The following DNPEP variants were observed in gnomAD, a reference collection of about 807,000 sequenced individuals.
DNPEP encodes the protein aspartyl aminopeptidase.
In DNPEP, 46 loss-of-function variants were observed where a neutral mutation model predicts 59.1. The observed-to-expected ratio is 0.78, with a 90% confidence interval of 0.61 to 0.99. The LOEUF is 0.99. DNPEP is among the 50% of genes least tolerant of loss of function. The probability of loss-of-function intolerance (pLI) is 0.00; values close to 1 mark genes in which losing one functional copy is unlikely to be tolerated. For synonymous variants in DNPEP, 229 were observed against 242.2 expected (o/e 0.95, Z 0.50); for missense variants, 617 against 649.9 (o/e 0.95, Z 0.55).
At chr2:219,391,872 T>TAAA (rs5838738), upstream of DNPEP, among the ~76,000 whole-genome samples, 18 of 138,482 alleles carry the variant, frequency 1.3e-4, no homozygotes, top group African/African-American at 1.7e-4. Context: ...TAGCAGTTCA[T>TAAA]AAAAAAAAAA....
rs1331540598 is a variant in DNPEP at position 219,385,989 on chromosome 2, C to A, written c.569G>T (p.Gly190Val). The A allele has an allele frequency of 9.9e-6, 16 of 1,613,986 alleles. No individual in the cohort carries two copies. Among genetic ancestry groups the A allele is most frequent in the East Asian group, 6.7e-5 (3 of 44,888 alleles). ...HLQRNINENFGPNTEMHLVPI... is the reference protein window; with the variant it reads ...HLQRNINENFVPNTEMHLVPI... ...TCACAGATGCATCTCTGTGTTGGGC[C>A]CAAAGTTCTCGTTGATATTTCGCTG... The change falls in exon 6 of 15, where the codon GGG becomes GTG. Residue 190 changes from glycine (G) to valine (V), a missense_variant. Transcript: ENST00000273075.
At chr2:219,388,032 G>A, upstream of DNPEP, 1 of 905,658 alleles carries the variant, frequency 1.1e-6, no homozygotes, top group Non-Finnish European at 1.4e-6. Context: ...TGTCCGCTCC[G>A]CCCCTCGCTG....
At chr2:219,382,722 G>A (rs561467981) in intron 10 of DNPEP, among the ~76,000 whole-genome samples, 3 of 152,266 alleles carry the variant, frequency 2.0e-5, no homozygotes, top group African/African-American at 7.2e-5. Flanking sequence ...TGTTCAGGAC[G>A]GCAGGGACCC....
upstream of DNPEP, chr2:219,388,879 G>C: frequency 1.0e-6 from 1 of 985,316 alleles, no homozygotes; most frequent in South Asian, 4.7e-5. Flanking sequence ...TACTCTTACT[G>C]TCCCCAGTTT....
chr2:219,379,726 G>A (rs894370177), intron 13 of DNPEP, among the ~76,000 whole-genome samples: 6 of 151,944 alleles, frequency 3.9e-5, no homozygotes, highest in African/African-American at 1.2e-4. Context: ...TTCGAGACCA[G>A]CCTGACCAAC....
chr2:219,375,614 T>C (rs1294134919), intron 13 of DNPEP, among the ~76,000 whole-genome samples: 2 of 152,092 alleles, frequency 1.3e-5, no homozygotes, highest in Admixed American at 6.6e-5. Flanking sequence ...CAGGCTGGAG[T>C]GCAGTGGCGC....
At chr2:219,381,057 G>T (rs1236210966) in intron 13 of DNPEP, among the ~76,000 whole-genome samples, 1 of 152,222 alleles carries the variant, frequency 6.6e-6, no homozygotes, top group Non-Finnish European at 1.5e-5. Flanking sequence ...AGTCTTCATA[G>T]AAATCCAGCA....
At chr2:219,384,163 A>G (rs1157517399) in intron 9 of DNPEP, among the ~76,000 whole-genome samples, 1 of 152,242 alleles carries the variant, frequency 6.6e-6, no homozygotes, top group Non-Finnish European at 1.5e-5. Flanking sequence ...ACACCCTGAT[A>G]GTGCAAGGGC....
At chr2:219,396,625 C>A (rs1382532984) in intron 1 of DNPEP, among the ~76,000 whole-genome samples, 1 of 152,070 alleles carries the variant, frequency 6.6e-6, no homozygotes, top group African/African-American at 2.4e-5. Context: ...ATAATCTTTT[C>A]AGTATAAGTA....
chr2:219,374,422 T>C (rs1953287027), intron 14 of DNPEP, 80 bp from the exon 15 acceptor site: 1 of 1,324,852 alleles, frequency 7.5e-7, no homozygotes, highest in South Asian at 1.2e-5. Context: ...CCCACCAACA[T>C]ATGTTCCAGC....
Position 219,386,751 on chromosome 2 carries a change from T to C in DNPEP, c.247A>G (p.Ile83Val). The change falls in exon 4 of 15, where the codon ATC (isoleucine) becomes GTC (valine). Residue 83 changes from isoleucine to valine, a missense_variant. Ile to Val is a conservative substitution (Grantham distance 29, BLOSUM62 3). Coordinates refer to ENST00000273075, the MANE Select transcript of DNPEP (RefSeq NM_012100.4). ...KYFMTRNSST[I>V]IAFAVGGQYV... ...TGGCCCCCTACAGCAAAAGCTATGA[T>C]GGTGGAGGAGTTCCTGGTCATGAAG... 6.2e-7 allele frequency: 1 copy of C among 1,613,124 alleles called. No individual in the cohort carries two copies. Among genetic ancestry groups the C allele is most frequent in the Non-Finnish European group, 8.5e-7 (1 of 1,179,676 alleles).
intron 1 of DNPEP, 126 bp downstream of exon 1, chr2:219,387,633 G>A (rs1210542920): frequency 1.3e-6 from 2 of 1,547,332 alleles, no homozygotes; most frequent in East Asian, 2.5e-5. Context: ...GTCACCCTCC[G>A]CGGGGCTTTC....
At position 219,386,970 on chromosome 2, in the gene DNPEP, T is replaced by A; in HGVS notation, c.141A>T (p.Glu47Asp). The A allele has an allele frequency of 6.2e-7, 1 of 1,613,162 alleles. No homozygotes were observed. The highest frequency in any genetic ancestry group is 2.2e-5 in the East Asian group (1 of 44,790). The change falls in exon 3 of 15, where the codon GAA (glutamate) becomes GAT (aspartate). Residue 47 changes from glutamate (E) to aspartate (D), a missense_variant. By Grantham distance (45) the Glu-to-Asp change is conservative (BLOSUM62 2). Coordinates refer to ENST00000273075, the MANE Select transcript of DNPEP (RefSeq NM_012100.4). ...RSPSPFHAVAECRNRLLQAGF... is the reference protein window; with the variant it reads ...RSPSPFHAVADCRNRLLQAGF... Reference sequence around the variant, plus strand: ...CAGCCTGGAGAAGGCGGTTGCGGCATTCAGCCACAGCTGTGGGAAAAGCAC... The same window carrying A: ...CAGCCTGGAGAAGGCGGTTGCGGCAATCAGCCACAGCTGTGGGAAAAGCAC...
Position 219,387,165 on chromosome 2 carries a change from T to C in DNPEP, c.37-2A>G, listed in dbSNP as rs1953882304. On this transcript the variant is annotated splice_acceptor_variant, in intron 1 of 14. Coordinates refer to ENST00000273075, the MANE Select transcript of DNPEP (RefSeq NM_012100.4). LOFTEE classifies it high-confidence loss of function. ...GCGGGCCTTACCGTTCATGGCCACC[T>C]AGGGGAGGGGGATGCTCAGACTTTT... 2 of 1,555,492 alleles carry C rather than the reference T, an allele frequency of 1.3e-6. No individual in the cohort carries two copies. The highest frequency in any genetic ancestry group is 2.7e-5 in the African/African-American group (2 of 73,144).
At position 219,373,230 on chromosome 2, in the gene DNPEP, G is replaced by A. The variant is rs1037983587; in HGVS notation, c.*1062C>T. On this transcript the variant is annotated 3_prime_UTR_variant, in exon 15 of 15. Coordinates refer to ENST00000273075, the MANE Select transcript of DNPEP (RefSeq NM_012100.4). ...ATTACAGGCATGTGCCACCACGCCC[G>A]GCTAATTTTGTATTTTTAGCAGGGA... is the stretch of plus-strand genomic sequence containing the variant. Among the ~76,000 whole-genome samples the A allele has an allele frequency of 7.9e-5, 12 of 151,862 alleles. No homozygotes were observed. The highest frequency in any genetic ancestry group is 3.9e-4 in the Admixed American group (6 of 15,242).
chr2:219,382,121 G>C lies in DNPEP; in HGVS notation c.955C>G (p.Gln319Glu). 1 of 1,611,838 alleles carries C rather than the reference G, an allele frequency of 6.2e-7. No individual in the cohort carries two copies. The highest frequency in any genetic ancestry group is 8.5e-7 in the Non-Finnish European group (1 of 1,180,018). The change falls in exon 11 of 15, where the codon CAG (glutamine) becomes GAG (glutamate). Residue 319 changes from glutamine to glutamate, a missense_variant. Gln to Glu is a conservative substitution (Grantham distance 29, BLOSUM62 2). Transcript: ENST00000273075. ...TCTGTCAGCAGTGACTGTGCTCCCT[G>C]TGCACTCTCAGACCCCACCTGGCGA... ...DNEEVGSESA[Q>E]GAQSLLTELV... is the part of the protein sequence containing the mutation.
At chr2:219,385,888 C>A in intron 6 of DNPEP, 80 bp downstream of exon 6, 1 of 1,569,662 alleles carries the variant, frequency 6.4e-7, no homozygotes. Context: ...AAAATGTGAC[C>A]TAATGGCTAC....
At chr2:219,396,115 G>T (rs945639680) in intron 1 of DNPEP, among the ~76,000 whole-genome samples, 10 of 152,146 alleles carry the variant, frequency 6.6e-5, no homozygotes, top group South Asian at 2.1e-4. Context: ...CAGATTAGTG[G>T]TTGCTCAGGG....
intron 14 of DNPEP, among the ~76,000 whole-genome samples, chr2:219,374,640 C>G (rs1953295142): frequency 6.6e-6 from 1 of 152,116 alleles, no homozygotes; most frequent in African/African-American, 2.4e-5. Context: ...AACTCCTGGC[C>G]TCAAGCAATC....
Sources: allele counts gnomAD v4.1 joint callset (sites outside exome capture counted in the v4.1 genomes callset), GRCh38; gene constraint gnomAD v4.1.1; transcripts MANE v1.5; gene names NCBI Gene and HGNC (gene_info 2026-07-23, HGNC 2026-07-21).